The following GALNT18 variants were observed in gnomAD, a reference collection of about 807,000 sequenced individuals.
GALNT18 encodes GalNAc-transferase 18.
Under a neutral mutation model 69.5 loss-of-function variants are expected in GALNT18, and 44 were observed. The observed-to-expected ratio is 0.63, with a 90% CI of 0.50 to 0.81. The LOEUF (loss-of-function observed/expected upper bound fraction) is 0.81. Among genes scored for constraint, GALNT18 ranks in the 40% least tolerant of loss-of-function variants. The pLI, the probability that GALNT18 is intolerant of heterozygous loss-of-function variation, is 0.00. For missense variants in GALNT18, 715 were observed against 810.0 expected, an observed-to-expected ratio of 0.88 and a Z score of 1.42; for synonymous variants, 364 against 318.2, an observed-to-expected ratio of 1.14 and a Z score of -1.53.
At chr11:11,292,864 TCAG>T (rs1849327276) in intron 10 of GALNT18, among the ~76,000 whole-genome samples, 162 bp downstream of exon 10, 1 of 152,196 alleles carries the variant, frequency 6.6e-6, no homozygotes, top group Non-Finnish European at 1.5e-5. Flanking sequence ...GGTAATTTGA[TCAG>T]CAAATCCCTG....
chr11:11,345,745 G>C (rs1054262179), intron 6 of GALNT18, among the ~76,000 whole-genome samples: 1 of 152,154 alleles, frequency 6.6e-6, no homozygotes, highest in Non-Finnish European at 1.5e-5. Flanking sequence ...CCTAGGGAGA[G>C]ACGGCAGGTA....
At chr11:11,433,243 T>A (rs182767554) in intron 2 of GALNT18, among the ~76,000 whole-genome samples, 3 of 152,350 alleles carry the variant, frequency 2.0e-5, no homozygotes, top group Admixed American at 2.0e-4. Context: ...CAGAGACTTC[T>A]GCCAAAATCT....
At chr11:11,273,990 A>G (rs920824993) in intron 10 of GALNT18, among the ~76,000 whole-genome samples, 4 of 152,158 alleles carry the variant, frequency 2.6e-5, no homozygotes, top group Non-Finnish European at 5.9e-5. Context: ...GACCTGGTTC[A>G]TCTCATTCGG....
chr11:11,503,672 C>T (rs1163020252), intron 1 of GALNT18, among the ~76,000 whole-genome samples: 1 of 152,248 alleles, frequency 6.6e-6, no homozygotes, highest in Non-Finnish European at 1.5e-5. Context: ...TGAGTCAAAA[C>T]TACTACAGTG....
intron 8 of GALNT18, among the ~76,000 whole-genome samples, chr11:11,330,065 A>T (rs1849991489): frequency 1.3e-5 from 2 of 152,032 alleles, no homozygotes; most frequent in Non-Finnish European, 2.9e-5. Flanking sequence ...ATCCAATGCT[A>T]CCCCATCTCC....
In GALNT18 at chr11:11,288,382, C is replaced by CT. The variant is rs1359634493; in HGVS notation, c.1677+4646dup. Among the ~76,000 whole-genome samples, 6 of 152,264 alleles carry CT rather than the reference C, an allele frequency of 3.9e-5. No homozygotes were observed. The East Asian group carries it at 9.7e-4, about 25-fold the overall frequency. Reference sequence around the variant, plus strand: ...TATGCTTGGAAACTGTCTCTACAACCTTTATGATATAAATCAAACAAGCCT... The same window carrying CT: ...TATGCTTGGAAACTGTCTCTACAACCTTTTATGATATAAATCAAACAAGCCT... On this transcript the variant is annotated intron_variant, in intron 10 of 10. Transcript: ENST00000227756.
At chr11:11,361,675 T>C (rs1297388864) in intron 6 of GALNT18, among the ~76,000 whole-genome samples, 1 of 152,194 alleles carries the variant, frequency 6.6e-6, no homozygotes, top group Non-Finnish European at 1.5e-5. Flanking sequence ...GCTCTGACTT[T>C]CTGAGGCATA....
intron 9 of GALNT18, among the ~76,000 whole-genome samples, chr11:11,319,098 G>A (rs921350080): frequency 4.5e-5 from 6 of 134,264 alleles, no homozygotes; most frequent in African/African-American, 1.7e-4. Context: ...TTGCTTAACC[G>A]TCTTACTTAG....
chr11:11,432,362 T>C lies in GALNT18; in HGVS notation c.595+259A>G, dbSNP rs971853724. ...TAGGAGGTCAGGGCCTTCTATCTTA[T>C]CTATTGCACTGGAATATGGGAGGGG... On this transcript the variant is annotated intron_variant, in intron 3 of 10. Transcript: ENST00000227756. The surrounding 1 kb of genome is among the most constrained non-coding windows in gnomAD (Gnocchi z 5.8). 6.6e-6 allele frequency among the ~76,000 whole-genome samples: 1 copy of C among 152,210 alleles called. No homozygotes were observed. Among genetic ancestry groups the C allele is most frequent in the Admixed American group, 6.5e-5 (1 of 15,286 alleles).
Position 11,621,432 on chromosome 11 carries a change from T to C in GALNT18, c.162A>G (p.Glu54=), listed in dbSNP as rs1860189565. The C allele has an allele frequency of 6.2e-7, 1 of 1,614,116 alleles. No individual in the cohort carries two copies. The highest frequency in any genetic ancestry group is 8.5e-7 in the Non-Finnish European group (1 of 1,179,998). Residue 54 remains glutamate (E), a synonymous_variant, in exon 1 of 11, where the codon GAA becomes GAG. Transcript: ENST00000227756. This position sits in a 1 kb window ranked among gnomAD's most constrained non-coding sequence, Gnocchi z 9.3. ...QEPAPDKKLE[E]DKGDTLKIIE... Reference sequence around the variant, plus strand: ...TAATCTTCAGAGTGTCCCCTTTGTCTTCCTCCAGCTTCTTGTCGGGCGCCG... The same window carrying C: ...TAATCTTCAGAGTGTCCCCTTTGTCCTCCTCCAGCTTCTTGTCGGGCGCCG...
chr11:11,287,733 G>A (rs777238999), intron 10 of GALNT18, among the ~76,000 whole-genome samples: 4 of 152,284 alleles, frequency 2.6e-5, no homozygotes, highest in Middle Eastern at 3.4e-3. Context: ...GGCAACAACT[G>A]CCACTTCTAA....
chr11:11,299,397 C>T (rs565614341), intron 9 of GALNT18, among the ~76,000 whole-genome samples: 3 of 152,292 alleles, frequency 2.0e-5, no homozygotes, highest in Non-Finnish European at 4.4e-5. Flanking sequence ...CTGCTCGCCT[C>T]GGCCTCTGAA....
At chr11:11,303,228 G>A (rs992286706) in intron 9 of GALNT18, among the ~76,000 whole-genome samples, 1 of 152,076 alleles carries the variant, frequency 6.6e-6, no homozygotes, top group Non-Finnish European at 1.5e-5. Context: ...GATGGAAGCT[G>A]GTGGACAAAT....
chr11:11,448,768 G>A lies in GALNT18; in HGVS notation c.404C>T (p.Pro135Leu). 1.9e-6 allele frequency: 3 copies of A among 1,612,612 alleles called. No homozygotes were observed. The highest frequency in any genetic ancestry group is 2.5e-6 in the Non-Finnish European group (3 of 1,179,572). The part of the protein sequence containing the change: ...YLSDRLPLDR[P>L]LPDLRPSGCR... Reference sequence around the variant, plus strand: ...CCCACTGGGTCTGAGGTCAGGCAGGGGCCGGTCCAGGGGCAGGCGGTCGCT... The same window carrying A: ...CCCACTGGGTCTGAGGTCAGGCAGGAGCCGGTCCAGGGGCAGGCGGTCGCT... The change falls in exon 2 of 11, where the codon CCC becomes CTC. Residue 135 changes from proline to leucine, a missense_variant. Physicochemically the swap from Pro to Leu is moderately conservative, Grantham distance 98. Transcript: ENST00000227756.
intron 1 of GALNT18, among the ~76,000 whole-genome samples, chr11:11,576,983 T>C (rs114692403): frequency 0.011 from 1,709 of 152,222 alleles, 33 homozygotes; most frequent in African/African-American, 0.038. Context: ...AAACTCAGAC[T>C]TCAGCAGTTG....
intron 3 of GALNT18, among the ~76,000 whole-genome samples, chr11:11,426,736 C>T (rs1210108967): frequency 6.6e-6 from 1 of 152,112 alleles, no homozygotes; most frequent in African/African-American, 2.4e-5. Flanking sequence ...GGGAGGAGTG[C>T]TGCCCTTTAA....
rs903762392 is a variant in GALNT18, at chr11:11,463,682, C to G, written c.236-14746G>C. Among the ~76,000 whole-genome samples, 1 of 152,198 alleles carries G rather than the reference C, an allele frequency of 6.6e-6. No individual in the cohort carries two copies. Among genetic ancestry groups the G allele is most frequent in the Admixed American group, 6.5e-5 (1 of 15,278 alleles). On this transcript the variant is annotated intron_variant, in intron 1 of 10. Transcript: ENST00000227756. This position sits in a 1 kb window ranked among gnomAD's most constrained non-coding sequence, Gnocchi z 4.2. ...TTGTCCTTCGAAAAAACTGAACAAA[C>G]AGGCCCTCCCAACCCCAGGCCCTGG...
intron 3 of GALNT18, among the ~76,000 whole-genome samples, chr11:11,411,287 G>T (rs1854721354): frequency 6.6e-6 from 1 of 152,094 alleles, no homozygotes; most frequent in Non-Finnish European, 1.5e-5. Context: ...CTTCCAGCCT[G>T]GACAACATTT....
intron 1 of GALNT18, among the ~76,000 whole-genome samples, chr11:11,515,933 T>C (rs930362899): frequency 3.9e-5 from 6 of 152,180 alleles, no homozygotes; most frequent in African/African-American, 1.4e-4. Flanking sequence ...AAGGAGCCCA[T>C]GCAGAGCTAG....
Sources: allele counts gnomAD v4.1 joint callset (sites outside exome capture counted in the v4.1 genomes callset), GRCh38; gene constraint gnomAD v4.1.1; non-coding constraint Gnocchi (gnomAD v3.1); transcripts MANE v1.5; gene names NCBI Gene and HGNC (gene_info 2026-07-23, HGNC 2026-07-21).